PTPRN2: variants seen among roughly 807,000 people sequenced by gnomAD.
The protein encoded by PTPRN2 is receptor-type tyrosine-protein phosphatase N2.
Under a neutral mutation model 118.8 loss-of-function variants are expected in PTPRN2, and 74 were observed. The observed-to-expected ratio is 0.62, with a 90% CI of 0.52 to 0.76. PTPRN2 has a LOEUF of 0.76. PTPRN2 is among the 30% of genes least tolerant of loss of function. PTPRN2 has a pLI of 0.00. For synonymous variants in PTPRN2, 641 were observed against 608.0 expected (o/e 1.05, Z -0.80); for missense variants, 1,481 against 1,394.4 (o/e 1.06, Z -0.99).
At chr7:158,244,777 TGTGTGAGTTGTGTGA>T (rs1328498743) in intron 3 of PTPRN2, among the ~76,000 whole-genome samples, 9 of 151,842 alleles carry the variant, frequency 5.9e-5, no homozygotes, top group African/African-American at 1.9e-4. Context: ...TGTGTGGGTG[TGTGTGAGTTGTGTGA>T]GTGTGAGTTG....
intron 2 of PTPRN2, among the ~76,000 whole-genome samples, chr7:158,322,586 A>G (rs796333445): frequency 1.0e-4 from 6 of 58,274 alleles, no homozygotes; most frequent in East Asian, 3.8e-4. Flanking sequence ...CCCAGTGGGC[A>G]ACGGGGAGGG....
intron 12 of PTPRN2, among the ~76,000 whole-genome samples, chr7:157,749,366 G>A (rs1801287032): frequency 7.0e-6 from 1 of 143,464 alleles, no homozygotes; most frequent in East Asian, 2.2e-4. Context: ...CTGTTGAGGT[G>A]ATTCTGTGGC....
At chr7:158,302,169 G>A (rs1800941759) in intron 3 of PTPRN2, among the ~76,000 whole-genome samples, 1 of 152,186 alleles carries the variant, frequency 6.6e-6, no homozygotes, top group Admixed American at 6.5e-5. Context: ...TGGGTACTGT[G>A]ACAGCCACAC....
At chr7:158,170,297 G>C (rs936070137) in intron 5 of PTPRN2, among the ~76,000 whole-genome samples, 30 of 152,288 alleles carry the variant, frequency 2.0e-4, no homozygotes, top group African/African-American at 7.0e-4. Context: ...ACCGTGCTGG[G>C]GGGTGGGGAT....
At chr7:158,149,244 T>G (rs949054374) in intron 6 of PTPRN2, among the ~76,000 whole-genome samples, 2 of 151,958 alleles carry the variant, frequency 1.3e-5, no homozygotes, top group Non-Finnish European at 2.9e-5. Flanking sequence ...GCACCAATTA[T>G]AGTACAGGGA....
rs1584983729 is a variant in PTPRN2, at chr7:157,902,120, T to C, written c.1724-3383A>G. Reference sequence around the variant, plus strand: ...ACCCTGAATTGGCAGTGCAGCAAGGTGCATCCTTGGAGGCCTTGGGGAGGG... The same window carrying C: ...ACCCTGAATTGGCAGTGCAGCAAGGCGCATCCTTGGAGGCCTTGGGGAGGG... On this transcript the variant is annotated intron_variant, in intron 11 of 22. Transcript: ENST00000389418. Among the ~76,000 whole-genome samples, 3 of 152,208 alleles carry C rather than the reference T, an allele frequency of 2.0e-5. No individual in the cohort carries two copies. The South Asian group carries it at 6.2e-4, about 31-fold the overall frequency.
chr7:158,262,797 TCA>T (rs1159963083), intron 3 of PTPRN2, among the ~76,000 whole-genome samples: 8 of 121,092 alleles, frequency 6.6e-5, no homozygotes, highest in African/African-American at 1.3e-4. Context: ...ACATACACAT[TCA>T]CACACTACAC....
Position 158,404,988 on chromosome 7 carries a change from C to T in PTPRN2, c.163+84747G>A, listed in dbSNP as rs1169214902. Among the ~76,000 whole-genome samples the T allele has an allele frequency of 3.4e-5, 5 of 145,522 alleles. No individual in the cohort carries two copies. In the South Asian group the frequency reaches 6.8e-4, roughly 20 times the overall value. On this transcript the variant is annotated intron_variant, in intron 2 of 22. Transcript: ENST00000389418. ...GGCCTCCAGCTCCTCAGCCTCAGCT[C>T]CCCAGCCTCCAGCTCCTCGGCCTCA...
chr7:158,064,327 G>C (rs56139119), intron 11 of PTPRN2, among the ~76,000 whole-genome samples: 16,564 of 152,146 alleles, frequency 0.11, 2,301 homozygotes, highest in African/African-American at 0.33. Flanking sequence ...CATTCTCCTG[G>C]GGACGTCTCT....
intron 14 of PTPRN2, among the ~76,000 whole-genome samples, chr7:157,633,604 G>T (rs147069036): frequency 0.014 from 2,102 of 152,326 alleles, 26 homozygotes; most frequent in South Asian, 0.034. Flanking sequence ...CACTGAGGGG[G>T]CCCCTCTGAA....
At chr7:158,362,792 C>A (rs1332289039) in intron 2 of PTPRN2, among the ~76,000 whole-genome samples, 1 of 152,172 alleles carries the variant, frequency 6.6e-6, no homozygotes, top group African/African-American at 2.4e-5. Flanking sequence ...GGTCTGAAAG[C>A]CCTGCAGATT....
At chr7:157,855,291 C>G (rs1481048606) in intron 12 of PTPRN2, among the ~76,000 whole-genome samples, 2 of 152,190 alleles carry the variant, frequency 1.3e-5, no homozygotes, top group African/African-American at 4.8e-5. Context: ...GCGGCCCCAA[C>G]CCACGCGCCG....
intron 2 of PTPRN2, among the ~76,000 whole-genome samples, chr7:158,454,918 A>AC (rs1183478524): frequency 6.8e-6 from 1 of 148,080 alleles, no homozygotes; most frequent in Non-Finnish European, 1.5e-5. Flanking sequence ...AGCCTCAGCG[A>AC]CCCCCCGGGG....
At chr7:157,999,395 G>A (rs896820176) in intron 11 of PTPRN2, among the ~76,000 whole-genome samples, 2 of 152,086 alleles carry the variant, frequency 1.3e-5, no homozygotes, top group African/African-American at 4.8e-5. Flanking sequence ...AACCTCAGAC[G>A]CTCTCGTTTT....
At chr7:157,793,106 C>T (rs1421939328) in intron 12 of PTPRN2, among the ~76,000 whole-genome samples, 1 of 152,028 alleles carries the variant, frequency 6.6e-6, no homozygotes, top group Non-Finnish European at 1.5e-5. Flanking sequence ...GAAGGGGGCG[C>T]AGCTGCATCT....
intron 2 of PTPRN2, among the ~76,000 whole-genome samples, chr7:158,408,030 T>C (rs1813739308): frequency 6.6e-6 from 1 of 152,234 alleles, no homozygotes; most frequent in African/African-American, 2.4e-5. Context: ...AAGTCCCTCT[T>C]CATCTTCAGA....
chr7:157,809,476 G>C (rs943580587), intron 12 of PTPRN2, among the ~76,000 whole-genome samples: 4 of 151,910 alleles, frequency 2.6e-5, no homozygotes, highest in African/African-American at 9.7e-5. Flanking sequence ...GCACTGTGGC[G>C]AGCAGAACCG....
chr7:158,518,073 G>T (rs192584060), intron 1 of PTPRN2, among the ~76,000 whole-genome samples: 1 of 152,314 alleles, frequency 6.6e-6, no homozygotes, highest in Non-Finnish European at 1.5e-5. Context: ...TTAAGAACTT[G>T]CTCCTCCCTT....
intron 17 of PTPRN2, among the ~76,000 whole-genome samples, chr7:157,582,891 A>G (rs1409583537): frequency 1.3e-5 from 2 of 150,918 alleles, no homozygotes; most frequent in Non-Finnish European, 3.0e-5. Context: ...AAAAAACAAA[A>G]CAAAAAAAAC....
Sources: allele counts gnomAD v4.1 joint callset (sites outside exome capture counted in the v4.1 genomes callset), GRCh38; gene constraint gnomAD v4.1.1; transcripts MANE v1.5; gene names NCBI Gene and HGNC (gene_info 2026-07-23, HGNC 2026-07-21).